AK8: variants seen among roughly 807,000 people sequenced by gnomAD.
The protein encoded by AK8 is adenylate kinase 8, also known as ATP-AMP transphosphorylase 8.
In AK8, 44 loss-of-function variants were observed where a neutral mutation model predicts 54.6. That is an observed-to-expected ratio of 0.81 (90% CI 0.63 to 1.04). The LOEUF is 1.04. AK8 is among the 50% of genes least tolerant of loss of function. AK8 has a pLI of 0.00. For missense variants in AK8, 555 were observed against 613.6 expected (o/e 0.90, Z 1.01); for synonymous variants, 239 against 245.6 (o/e 0.97, Z 0.25).
intron 5 of AK8, among the ~76,000 whole-genome samples, chr9:132,838,042 C>T (rs1187623058): frequency 1.3e-5 from 2 of 152,190 alleles, no homozygotes; most frequent in African/African-American, 2.4e-5. Context: ...AGTGTCAAAA[C>T]AATGGCAAGA....
At chr9:132,827,883 G>A in intron 7 of AK8, 130 bp downstream of exon 7, 2 of 865,420 alleles carry the variant, frequency 2.3e-6, no homozygotes, top group African/African-American at 1.7e-5. Flanking sequence ...AGCCCAGCCT[G>A]TGGCAGCCTT....
chr9:132,755,643 A>G (rs1218936991), intron 11 of AK8, among the ~76,000 whole-genome samples: 1 of 152,170 alleles, frequency 6.6e-6, no homozygotes, highest in African/African-American at 2.4e-5. Flanking sequence ...ATAAATCACC[A>G]GCTATAGAAG....
chr9:132,830,993 A>T (rs1411405852), intron 5 of AK8, among the ~76,000 whole-genome samples: 1 of 152,170 alleles, frequency 6.6e-6, no homozygotes, highest in East Asian at 1.9e-4. Context: ...CTGTTTCCTT[A>T]TGGCTCACCA....
At position 132,770,620 on chromosome 9, in the gene AK8, T is replaced by G. The variant is rs1349054108; in HGVS notation, c.1121+22014A>C. 1.3e-5 allele frequency among the ~76,000 whole-genome samples: 2 copies of G among 152,112 alleles called. No homozygotes were observed. The highest frequency in any genetic ancestry group is 2.9e-5 in the Non-Finnish European group (2 of 68,010). Reference sequence around the variant, plus strand: ...AATTGGCTGGGAAGCCGGTCCCATTTCAACAGAGACCTGGGGCAGCGCGGT... The same window carrying G: ...AATTGGCTGGGAAGCCGGTCCCATTGCAACAGAGACCTGGGGCAGCGCGGT... On this transcript the variant is annotated intron_variant, in intron 11 of 12. Transcript: ENST00000298545. This position sits in a 1 kb window ranked among gnomAD's most constrained non-coding sequence, Gnocchi z 4.3.
chr9:132,838,911 A>C (rs2131338083), intron 5 of AK8, among the ~76,000 whole-genome samples: 1 of 152,252 alleles, frequency 6.6e-6, no homozygotes, highest in African/African-American at 2.4e-5. Context: ...AGGGGCCAGT[A>C]AATGCTAGCT....
chr9:132,753,450 T>A (rs2131025142), intron 11 of AK8, among the ~76,000 whole-genome samples: 1 of 152,376 alleles, frequency 6.6e-6, no homozygotes, highest in East Asian at 1.9e-4. Flanking sequence ...ATTGGACATG[T>A]TCACAAAGCT....
intron 11 of AK8, among the ~76,000 whole-genome samples, chr9:132,748,251 A>G (rs1837748533): frequency 6.6e-6 from 1 of 150,732 alleles, no homozygotes; most frequent in South Asian, 2.1e-4. Flanking sequence ...TGCGCAGATC[A>G]TAAAACACAC....
chr9:132,733,572 G>C (rs1456232845), intron 11 of AK8, among the ~76,000 whole-genome samples: 3 of 152,252 alleles, frequency 2.0e-5, no homozygotes, highest in African/African-American at 7.2e-5. Flanking sequence ...ATGGGTGCTT[G>C]GAGCACGCTG....
At chr9:132,878,856 G>T (rs557919125), upstream of AK8, 2 of 838,036 alleles carry the variant, frequency 2.4e-6, no homozygotes, top group South Asian at 1.1e-4. This position sits in a 1 kb window ranked among gnomAD's most constrained non-coding sequence, Gnocchi z 4.7. Context: ...TAACAATCAC[G>T]CCCGCGGCCC....
intron 3 of AK8, 54 bp from the exon 4 acceptor site, chr9:132,863,832 A>C: frequency 6.8e-6 from 9 of 1,327,630 alleles, no homozygotes; most frequent in South Asian, 1.2e-5. Flanking sequence ...AAATACACAA[A>C]TGACTCTATT....
intron 5 of AK8, among the ~76,000 whole-genome samples, chr9:132,831,307 G>A (rs937592312): frequency 1.5e-5 from 2 of 131,594 alleles, no homozygotes; most frequent in African/African-American, 5.7e-5. Context: ...ATCAATTCAC[G>A]ACAAATTGAC....
intron 9 of AK8, among the ~76,000 whole-genome samples, chr9:132,822,917 C>T (rs1841705190): frequency 6.6e-6 from 1 of 152,052 alleles, no homozygotes; most frequent in African/African-American, 2.4e-5. Flanking sequence ...ACAGACAAAC[C>T]CCCCGCTCCA....
At chr9:132,870,348 G>C (rs1420641367) in intron 2 of AK8, among the ~76,000 whole-genome samples, 1 of 152,194 alleles carries the variant, frequency 6.6e-6, no homozygotes, top group Non-Finnish European at 1.5e-5. Context: ...AAGGCTGCTG[G>C]ACTGCCAAGA....
intron 10 of AK8, among the ~76,000 whole-genome samples, chr9:132,804,571 G>A (rs1282378186): frequency 4.6e-5 from 7 of 151,944 alleles, no homozygotes; most frequent in East Asian, 1.9e-4. Flanking sequence ...AGGGAGGGGG[G>A]TGGGAGCAGG....
rs58854388 is a variant in AK8, at chr9:132,791,345, T to C, written c.1121+1289A>G. 0.047 allele frequency among the ~76,000 whole-genome samples: 7,191 copies of C among 152,172 alleles called. 542 individuals are homozygous for C. Among genetic ancestry groups the C allele is most frequent in the African/African-American group, 0.16 (6,695 of 41,470 alleles). Reference sequence around the variant, plus strand: ...ACCGCCCCCATGATCCGATCACCTCTCACCAGGTCCCTCCCTAACATGTGG... The same window carrying C: ...ACCGCCCCCATGATCCGATCACCTCCCACCAGGTCCCTCCCTAACATGTGG... On this transcript the variant is annotated intron_variant, in intron 11 of 12. Coordinates refer to ENST00000298545, the MANE Select transcript of AK8 (RefSeq NM_152572.3). The surrounding 1 kb of genome is among the most constrained non-coding windows in gnomAD (Gnocchi z 4.0).
At chr9:132,761,261 TTTC>T (rs1257102799) in intron 11 of AK8, among the ~76,000 whole-genome samples, 5 of 138,722 alleles carry the variant, frequency 3.6e-5, no homozygotes, top group Non-Finnish European at 6.1e-5. Context: ...TTTCTTTTCT[TTTC>T]TTTTCTTTTT....
Position 132,826,382 on chromosome 9 carries a change from C to T in AK8, c.757+472G>A, listed in dbSNP as rs749779697. The stretch of plus-strand genomic sequence containing the variant: ...CTGTGGACAGCAACGCAGTGCCAGG[C>T]GCGGGGCCATGTATCTCCATCCTAA... On this transcript the variant is annotated intron_variant, in intron 8 of 12. Transcript: ENST00000298545. This position sits in a 1 kb window ranked among gnomAD's most constrained non-coding sequence, Gnocchi z 4.5. Among the ~76,000 whole-genome samples, 37 of 152,180 alleles carry T rather than the reference C, an allele frequency of 2.4e-4. No homozygotes were observed. Among genetic ancestry groups the T allele is most frequent in the Non-Finnish European group, 4.9e-4 (33 of 68,030 alleles).
intron 9 of AK8, among the ~76,000 whole-genome samples, chr9:132,822,729 G>T (rs1302483715): frequency 2.6e-5 from 4 of 152,136 alleles, no homozygotes; most frequent in Non-Finnish European, 4.4e-5. Context: ...TTGAAACTGT[G>T]CGGAGTGAGA....
rs144182037 is a variant in AK8 at position 132,871,309 on chromosome 9, C to T, written c.169+3806G>A. Among the ~76,000 whole-genome samples, 178 of 152,172 alleles carry T rather than the reference C, an allele frequency of 1.2e-3. 1 individual carries two copies. Among genetic ancestry groups the T allele is most frequent in the African/African-American group, 4.1e-3 (170 of 41,530 alleles). ...AAAAGTCACCAAGCAGGGTAGTCTC[C>T]CCTGTCTCCCTTCCTCCTTCCCATT... On this transcript the variant is annotated intron_variant, in intron 2 of 12. Coordinates refer to ENST00000298545, the MANE Select transcript of AK8 (RefSeq NM_152572.3).
Sources: allele counts gnomAD v4.1 joint callset (sites outside exome capture counted in the v4.1 genomes callset), GRCh38; gene constraint gnomAD v4.1.1; non-coding constraint Gnocchi (gnomAD v3.1); transcripts MANE v1.5; gene names NCBI Gene and HGNC (gene_info 2026-07-23, HGNC 2026-07-21).